RPL9: variants seen among roughly 807,000 people sequenced by gnomAD.
RPL9 encodes the protein large ribosomal subunit protein uL6.
For missense variants in RPL9, 149 were observed against 236.7 expected, an observed-to-expected ratio of 0.63 and a Z score of 2.43; for synonymous variants, 82 against 77.1, an observed-to-expected ratio of 1.06 and a Z score of -0.33.
At chr4:39,456,330 G>C (rs887150311) in intron 5 of RPL9, 76 bp downstream of exon 5, 5 of 1,505,384 alleles carry the variant, frequency 3.3e-6, no homozygotes, top group Middle Eastern at 1.7e-4. Context: ...ACTAAAGTAT[G>C]GAAGTTGGGA....
intron 4 of RPL9, chr4:39,456,810 A>T (rs1744104567): frequency 1.9e-5 from 7 of 361,832 alleles, no homozygotes; most frequent in Non-Finnish European, 1.0e-5. Context: ...CTGATCTTAG[A>T]CATTAGACTA....
At chr4:39,457,330 A>AAG (rs1001112046) in intron 4 of RPL9, 2 of 327,270 alleles carry the variant, frequency 6.1e-6, no homozygotes, top group Non-Finnish European at 1.1e-5. Flanking sequence ...GCCTGGACAA[A>AAG]ATAGCGAGAC....
At chr4:39,458,785 G>A in intron 1 of RPL9, 106 bp downstream of exon 1, 3 of 682,750 alleles carry the variant, frequency 4.4e-6, no homozygotes, top group Non-Finnish European at 8.1e-6. Context: ...GCCGAGCTGG[G>A]GGACAAACAG....
At chr4:39,458,614 C>T (rs1744236779) in intron 1 of RPL9, 174 bp from the exon 2 acceptor site, 1 of 662,698 alleles carries the variant, frequency 1.5e-6, no homozygotes, top group Non-Finnish European at 2.6e-6. Context: ...AGGAGCAGCC[C>T]CAAAGCGAGA....
At chr4:39,458,053 G>A (rs538672020) in intron 3 of RPL9, 141 bp downstream of exon 3, 1 of 861,202 alleles carries the variant, frequency 1.2e-6, no homozygotes, top group Admixed American at 2.0e-5. Flanking sequence ...CAATTTCACT[G>A]AACAGGCTGG....
At chr4:39,457,752 A>T in intron 3 of RPL9, 71 bp from the exon 4 acceptor site, 1 of 1,259,294 alleles carries the variant, frequency 7.9e-7, no homozygotes, top group Non-Finnish European at 1.2e-6. Flanking sequence ...CACTTACCGA[A>T]TTACTTTAAG....
At position 39,458,893 on chromosome 4, in the gene RPL9, C is replaced by G. The variant is rs1005864202; in HGVS notation, c.-4G>C. Reference sequence around the variant, plus strand: ...CACGAGCACAGAAACATCCTTACCTCGCAGTAGACGCAGCAAAGAAAGAAC... The same window carrying G: ...CACGAGCACAGAAACATCCTTACCTGGCAGTAGACGCAGCAAAGAAAGAAC... On this transcript the variant is annotated splice_region_variant and 5_prime_UTR_variant, in exon 1 of 8. Transcript: ENST00000295955. The G allele has an allele frequency of 5.7e-6, 4 of 702,852 alleles. No homozygotes were observed. The highest frequency in any genetic ancestry group is 1.5e-5 in the South Asian group (1 of 67,006). The allele number at this position is 702,852 out of a possible 1,614,324, so 43.5% of individuals were successfully genotyped here.
At chr4:39,454,674 T>A in intron 6 of RPL9, 25 bp from the exon 7 acceptor site, 1 of 1,589,914 alleles carries the variant, frequency 6.3e-7, no homozygotes, top group Non-Finnish European at 8.6e-7. Flanking sequence ...ATAAAGCAAT[T>A]AATACATCAG....
rs371535593 is a variant in RPL9 at position 39,458,911 on chromosome 4, G to A, written c.-22C>T. 114 of 710,972 alleles carry A rather than the reference G, an allele frequency of 1.6e-4. 1 individual carries two copies. The Middle Eastern group carries it at 1.8e-3, about 11-fold the overall frequency. The allele number at this position is 710,972 out of a possible 1,614,324, so 44.0% of individuals were successfully genotyped here. A position where few individuals can be genotyped will look rare whatever the true frequency, so the allele number is the denominator to read the frequency against. ...CTTACCTCGCAGTAGACGCAGCAAA[G>A]AAAGAACGTCTGTCGTCATTACGTA... On this transcript the variant is annotated 5_prime_UTR_variant, in exon 1 of 8. Transcript: ENST00000295955.
rs763054300 is a variant in RPL9, at chr4:39,454,514, A to C, written c.*10+19T>G. 3.2e-6 allele frequency: 5 copies of C among 1,555,518 alleles called. No individual in the cohort carries two copies. The African/African-American group carries it at 6.8e-5, about 21-fold the overall frequency. On this transcript the variant is annotated intron_variant, in intron 7 of 7. Transcript: ENST00000295955. ...TCAACTAGAGCAGTAATAAAACTTA[A>C]GACACTGTAAGAACTTACCTCTTAG...
intron 7 of RPL9, 83 bp from the exon 8 acceptor site, chr4:39,454,308 AAAT>A (rs1744002772): frequency 2.4e-6 from 1 of 417,560 alleles, no homozygotes; most frequent in Non-Finnish European, 4.3e-6. Context: ...GTACTATTCT[AAAT>A]AATCTAAAAC....
intron 4 of RPL9, 55 bp from the exon 5 acceptor site, chr4:39,456,593 T>C: frequency 6.4e-7 from 1 of 1,571,146 alleles, no homozygotes; most frequent in Non-Finnish European, 8.6e-7. Context: ...TTTTTAATAG[T>C]TTTAAAATTT....
At chr4:39,457,435 G>T in intron 4 of RPL9, 151 bp downstream of exon 4, 1 of 620,044 alleles carries the variant, frequency 1.6e-6, no homozygotes, top group Non-Finnish European at 2.9e-6. Flanking sequence ...ATCGCTTAAA[G>T]ACCCACAGAT....
At position 39,454,891 on chromosome 4, in the gene RPL9, T is replaced by G. The variant is rs765695167; in HGVS notation, c.445A>C (p.Asn149His). 6 of 1,613,910 alleles carry G rather than the reference T, an allele frequency of 3.7e-6. No homozygotes were observed. Among genetic ancestry groups the G allele is most frequent in the Non-Finnish European group, 4.2e-6 (5 of 1,179,974 alleles). ...AQKDELILEG[N>H]DIELVSNSAA... ...GAATTTGAAACAAGCTCAATGTCAT[T>G]TCCTTCAAGGATTAATTCATCTTTC... The change falls in exon 6 of 8, where the codon AAT becomes CAT. Residue 149 changes from asparagine to histidine, a missense_variant. Coordinates refer to ENST00000295955, the MANE Select transcript of RPL9 (RefSeq NM_000661.5).
At chr4:39,455,192 C>CA in intron 5 of RPL9, 1 of 348,356 alleles carries the variant, frequency 2.9e-6, no homozygotes, top group Non-Finnish European at 5.2e-6. Context: ...AGTAAAAATA[C>CA]AAAAAATTAG....
intron 4 of RPL9, 180 bp downstream of exon 4, chr4:39,457,406 G>A: frequency 1.8e-6 from 1 of 546,488 alleles, no homozygotes; most frequent in Middle Eastern, 4.9e-4. Flanking sequence ...GTACCCATCT[G>A]GTCTTTGCTC....
At position 39,458,920 on chromosome 4, in the gene RPL9, T is replaced by G. The variant is rs187943580; in HGVS notation, c.-31A>C. On this transcript the variant is annotated 5_prime_UTR_variant, in exon 1 of 8. Coordinates refer to ENST00000295955, the MANE Select transcript of RPL9 (RefSeq NM_000661.5). ...CAGTAGACGCAGCAAAGAAAGAACG[T>G]CTGTCGTCATTACGTACTTGTATCG... 2.8e-6 allele frequency: 2 copies of G among 715,406 alleles called. No individual in the cohort carries two copies. Among genetic ancestry groups the G allele is most frequent in the South Asian group, 1.5e-5 (1 of 67,920 alleles). 44.3% of individuals were successfully genotyped at this position (715,406 alleles called of 1,614,324 possible).
chr4:39,457,627 T>A lies in RPL9; in HGVS notation c.217A>T (p.Ile73Phe). The change falls in exon 4 of 8, where the codon ATT becomes TTT. Residue 73 changes from isoleucine to phenylalanine, a missense_variant. By Grantham distance (21) the Ile-to-Phe change is conservative. Transcript: ENST00000295955. ...ATCATGTTCTGTACATGACTACAAA[T>A]AGTCCGAACGGTAGCCAGTTCCTTT... ...NRKELATVRT[I>F]CSHVQNMIKG... 1 of 1,614,168 alleles carries A rather than the reference T, an allele frequency of 6.2e-7. No individual in the cohort carries two copies. Among genetic ancestry groups the A allele is most frequent in the Non-Finnish European group, 8.5e-7 (1 of 1,180,014 alleles).
rs550600757 is a variant in RPL9, at chr4:39,454,694, T to C, written c.473-45A>G. 1.4e-5 allele frequency: 21 copies of C among 1,536,642 alleles called. No individual in the cohort carries two copies. The East Asian group carries it at 4.3e-4, about 32-fold the overall frequency. On this transcript the variant is annotated intron_variant, in intron 6 of 7. Coordinates refer to ENST00000295955, the MANE Select transcript of RPL9 (RefSeq NM_000661.5). ...GCAATTAATACATCAGCCTAACCCA[T>C]CTTAAAAAGAAAGTATTTCATTATG...
Sources: gnomAD v4.1 joint callset for allele counts on GRCh38, gnomAD v4.1.1 for gene constraint, MANE v1.5 for transcripts, NCBI Gene and HGNC (gene_info 2026-07-23, HGNC 2026-07-21) for gene names.